Variants in PIEZO1 observed in about 807,000 individuals in gnomAD.
PIEZO1 encodes piezo-type mechanosensitive ion channel component 1.
Under a neutral mutation model 297.2 loss-of-function variants are expected in PIEZO1, and 296 were observed. That is an observed-to-expected ratio of 1.00 (90% CI 0.91 to 1.10). PIEZO1 has a LOEUF of 1.10. PIEZO1 is among the 50% of genes least tolerant of loss of function. The pLI, the probability that PIEZO1 is intolerant of heterozygous loss-of-function variation, is 0.00. For synonymous variants in PIEZO1, 2,427 were observed against 1,507.5 expected, an observed-to-expected ratio of 1.61 and a Z score of -14.13; for missense variants, 5,018 against 3,455.5, an observed-to-expected ratio of 1.45 and a Z score of -11.34.
chr16:88,719,364 C>T, intron 44 of PIEZO1: 1 of 575,430 alleles, frequency 1.7e-6, no homozygotes, highest in Non-Finnish European at 3.1e-6. Flanking sequence ...ACCAACTCCG[C>T]TGCCCACTTC....
chr16:88,721,147 T>C lies in PIEZO1; in HGVS notation c.5668+19A>G, dbSNP rs1250816415. On this transcript the variant is annotated intron_variant, in intron 39 of 50. Coordinates refer to ENST00000301015, the MANE Select transcript of PIEZO1 (RefSeq NM_001142864.4). ...AGAAAACTGGGTAGGCAGGAGGTTG[T>C]GAGGCAGGGCGCTTATACCGATGGC... 6.8e-7 allele frequency: 1 copy of C among 1,470,212 alleles called. No individual in the cohort carries two copies. 91.1% of individuals were successfully genotyped at this position (1,470,212 alleles called of 1,614,324 possible).
In PIEZO1 at chr16:88,716,842, G is replaced by A; in HGVS notation, c.6717C>T (p.Ala2239=). The stretch of plus-strand genomic sequence containing the variant: ...CAAACTGCCGGGACAGCTCCTCATA[G>A]GCCTGGGCCGTGAAGGGGATGATGG... The part of the protein sequence containing the change: ...QPSIIPFTAQ[A]YEELSRQFDP... Residue 2239 remains alanine, a synonymous_variant, in exon 46 of 51, where the codon GCC becomes GCT. Coordinates refer to ENST00000301015, the MANE Select transcript of PIEZO1 (RefSeq NM_001142864.4). The A allele has an allele frequency of 3.9e-6, 6 of 1,550,164 alleles. No individual in the cohort carries two copies. Among genetic ancestry groups the A allele is most frequent in the African/African-American group, 2.7e-5 (2 of 73,188 alleles).
At chr16:88,757,056 A>T (rs1357138513) in intron 1 of PIEZO1, among the ~76,000 whole-genome samples, 1 of 152,154 alleles carries the variant, frequency 6.6e-6, no homozygotes, top group East Asian at 1.9e-4. Flanking sequence ...AGCCTGGGCG[A>T]CAGAGCGAGA....
At chr16:88,739,014 A>C in intron 5 of PIEZO1, 2 of 531,500 alleles carry the variant, frequency 3.8e-6, no homozygotes, top group South Asian at 4.4e-5. Context: ...AAGCCCAGGC[A>C]CGTGATGACC....
In PIEZO1 at chr16:88,715,764, C is replaced by G; in HGVS notation, c.7407G>C (p.Glu2469Asp). The change falls in exon 51 of 51, where the codon GAG (glutamate) becomes GAC (aspartate). Residue 2469 changes from glutamate to aspartate, a missense_variant. Coordinates refer to ENST00000301015, the MANE Select transcript of PIEZO1 (RefSeq NM_001142864.4). ...GGATGCGGTCCACGCACGGCAGCTC[C>G]TCGAACATAATGGAGTGCGAGATCT... ...FSEISHSIMF[E>D]ELPCVDRILK... The G allele has an allele frequency of 1.9e-6, 3 of 1,550,438 alleles. No homozygotes were observed. Among genetic ancestry groups the G allele is most frequent in the Non-Finnish European group, 2.6e-6 (3 of 1,146,980 alleles).
At position 88,751,936 on chromosome 16, in the gene PIEZO1, T is replaced by C. The variant is rs1432757771; in HGVS notation, c.65-2457A>G. Among the ~76,000 whole-genome samples the C allele has an allele frequency of 2.6e-5, 4 of 152,054 alleles. No homozygotes were observed. The East Asian group carries it at 5.8e-4, about 22-fold the overall frequency. Reference sequence around the variant, plus strand: ...CCAATGCTCAACAAGTGCACCAGGGTTGGGTTCGAAGCCCGTGGCAGGGCA... The same window carrying C: ...CCAATGCTCAACAAGTGCACCAGGGCTGGGTTCGAAGCCCGTGGCAGGGCA... On this transcript the variant is annotated intron_variant, in intron 1 of 50. Transcript: ENST00000301015.
In PIEZO1 at chr16:88,737,735, G is replaced by C. The variant is rs1905332381; in HGVS notation, c.1100C>G (p.Ser367Cys). 6.5e-7 allele frequency: 1 copy of C among 1,535,534 alleles called. No individual in the cohort carries two copies. Among genetic ancestry groups the C allele is most frequent in the Non-Finnish European group, 8.7e-7 (1 of 1,146,598 alleles). ...ACCTGCCTGGCTGCTCACCTGGTCA[G>C]ACTCCCGTTCCTGGGGCCACTGGTC... The part of the protein sequence containing the change: ...ELDQWPQERE[S>C]DQHVVPTAPD... The change falls in exon 9 of 51, where the codon TCT becomes TGT. Residue 367 changes from serine to cysteine, a missense_variant. Physicochemically the swap from Ser to Cys is moderately radical, Grantham distance 112. Coordinates refer to ENST00000301015, the MANE Select transcript of PIEZO1 (RefSeq NM_001142864.4).
In PIEZO1 at chr16:88,716,490, G is replaced by T. The variant is rs1418885020; in HGVS notation, c.6927-7C>A. On this transcript the variant is annotated splice_polypyrimidine_tract_variant and splice_region_variant and intron_variant, in intron 47 of 50. Coordinates refer to ENST00000301015, the MANE Select transcript of PIEZO1 (RefSeq NM_001142864.4). Reference sequence around the variant, plus strand: ...GCCTCCCTTCGCCAGGTCCCTGGGGGTGGGAACACAGCGTGACCCACTGTA... The same window carrying T: ...GCCTCCCTTCGCCAGGTCCCTGGGGTTGGGAACACAGCGTGACCCACTGTA... 34 of 1,545,084 alleles carry T rather than the reference G, an allele frequency of 2.2e-5. No individual in the cohort carries two copies. Among genetic ancestry groups the T allele is most frequent in the Non-Finnish European group, 2.4e-5 (28 of 1,144,042 alleles).
Position 88,725,501 on chromosome 16 carries a change from G to C in PIEZO1, c.4077C>G (p.Ala1359=), listed in dbSNP as rs1904356927. 1 of 1,529,742 alleles carries C rather than the reference G, an allele frequency of 6.5e-7. No individual in the cohort carries two copies. Among genetic ancestry groups the C allele is most frequent in the Non-Finnish European group, 8.8e-7 (1 of 1,134,772 alleles). 94.8% of individuals were successfully genotyped at this position (1,529,742 alleles called of 1,614,324 possible). The change falls in exon 29 of 51, where the codon GCC becomes GCG. Residue 1359 remains alanine (A), a synonymous_variant. Transcript: ENST00000301015. The part of the protein sequence containing the change: ...QLKRQMERIR[A]KQEKHRQGRV... ...GGCCCTGCCTGTGCTTCTCCTGCTT[G>C]GCACGGATACGCTCCATCCTGTGGT...
intron 2 of PIEZO1, among the ~76,000 whole-genome samples, chr16:88,746,580 G>T (rs1906069510): frequency 6.6e-6 from 1 of 152,188 alleles, no homozygotes; most frequent in Non-Finnish European, 1.5e-5. Context: ...TTCCACCAGG[G>T]CCACGCCAAG....
At chr16:88,760,801 C>T (rs17666981) in intron 1 of PIEZO1, among the ~76,000 whole-genome samples, 79,982 of 152,204 alleles carry the variant, frequency 0.53, 22,450 homozygotes, top group African/African-American at 0.74. Flanking sequence ...GAATGTTCCT[C>T]ACCTACTTGG....
chr16:88,716,674 C>G lies in PIEZO1; in HGVS notation c.6811G>C (p.Glu2271Gln), dbSNP rs1281130038. The G allele has an allele frequency of 3.2e-6, 5 of 1,549,218 alleles. No homozygotes were observed. Among genetic ancestry groups the G allele is most frequent in the Non-Finnish European group, 4.4e-6 (5 of 1,146,930 alleles). Residue 2271 changes from glutamate (E) to glutamine (Q), a missense_variant, in exon 47 of 51, where the codon GAG becomes CAG. Glu to Gln is a conservative substitution (Grantham distance 29). Coordinates refer to ENST00000301015, the MANE Select transcript of PIEZO1 (RefSeq NM_001142864.4). Reference protein sequence around the residue: ...SPEDIVTAQIEGSSGALWRIS... With the variant: ...SPEDIVTAQIQGSSGALWRIS... ...CGCCACAGCGCCCCGGAGCTGCCCT[C>G]AATCTGCGCCGTGACGATGTCCTCA...
chr16:88,720,777 GC>G (rs1483980738), intron 39 of PIEZO1, 29 bp from the exon 40 acceptor site: 4 of 1,456,934 alleles, frequency 2.7e-6, no homozygotes, highest in South Asian at 2.9e-5. Context: ...TTCTGCCTGG[GC>G]CCCCTGGGGA....
At chr16:88,739,098 G>A (rs953314290) in intron 5 of PIEZO1, 4 of 251,344 alleles carry the variant, frequency 1.6e-5, no homozygotes, top group African/African-American at 4.5e-5. Context: ...AGGGAGCAGC[G>A]GGGCCCTGTC....
intron 1 of PIEZO1, among the ~76,000 whole-genome samples, chr16:88,750,724 T>A (rs1906346961): frequency 6.6e-6 from 1 of 152,230 alleles, no homozygotes; most frequent in African/African-American, 2.4e-5. Flanking sequence ...TGGGGCCTGA[T>A]GTCGTCTCCT....
intron 1 of PIEZO1, among the ~76,000 whole-genome samples, chr16:88,783,995 A>C (rs1240309550): frequency 6.6e-6 from 1 of 152,134 alleles, no homozygotes; most frequent in Non-Finnish European, 1.5e-5. Flanking sequence ...ATTCCATCCG[A>C]CTGCTTCCCA....
chr16:88,721,766 C>T (rs1374737061), intron 37 of PIEZO1, 40 bp from the exon 38 acceptor site: 21 of 1,534,454 alleles, frequency 1.4e-5, no homozygotes, highest in East Asian at 1.2e-4. Flanking sequence ...AGGGTCACGG[C>T]GCGGTGGGCC....
rs1293381020 is a variant in PIEZO1 at position 88,726,955 on chromosome 16, G to A, written c.3459C>T (p.Ser1153=). The change falls in exon 25 of 51, where the codon TCC becomes TCT. Residue 1153 remains serine (S), a synonymous_variant. Transcript: ENST00000301015. Reference sequence around the variant, plus strand: ...CGGCCACCTTCAGCATGTCAAGGTAGGACCTGCCAGGCCGGAGCGTCAGGG... The same window carrying A: ...CGGCCACCTTCAGCATGTCAAGGTAAGACCTGCCAGGCCGGAGCGTCAGGG... ...NPVPNFIHCR[S]YLDMLKVAVF... 31 of 1,550,254 alleles carry A rather than the reference G, an allele frequency of 2.0e-5. No homozygotes were observed. Among genetic ancestry groups the A allele is most frequent in the Admixed American group, 2.0e-4 (10 of 50,994 alleles).
In PIEZO1 at chr16:88,719,922, A is replaced by C. The variant is rs1374534677; in HGVS notation, c.6203T>G (p.Phe2068Cys). The change falls in exon 43 of 51, where the codon TTC becomes TGC. Residue 2068 changes from phenylalanine to cysteine, a missense_variant. Coordinates refer to ENST00000301015, the MANE Select transcript of PIEZO1 (RefSeq NM_001142864.4). ...NQNVVAQLWY[F>C]VKCIYFALSA... is the part of the protein sequence containing the mutation. ...CAGGGCGAAGTAGATGCACTTCACGAAGTACCAGAGCTGGGCCACCACATT... is the reference window on the plus strand; with the variant it reads ...CAGGGCGAAGTAGATGCACTTCACGCAGTACCAGAGCTGGGCCACCACATT... 1.9e-6 allele frequency: 3 copies of C among 1,550,254 alleles called. No individual in the cohort carries two copies. The highest frequency in any genetic ancestry group is 2.7e-5 in the African/African-American group (2 of 73,030).
Sources: allele counts gnomAD v4.1 joint callset (sites outside exome capture counted in the v4.1 genomes callset), GRCh38; gene constraint gnomAD v4.1.1; transcripts MANE v1.5; gene names NCBI Gene and HGNC (gene_info 2026-07-23, HGNC 2026-07-21).